PCDH7: variants seen among roughly 807,000 people sequenced by gnomAD.
PCDH7 encodes protocadherin-7.
A neutral mutation model predicts 58.9 loss-of-function variants in PCDH7; 17 were observed. That is an observed-to-expected ratio of 0.29 (90% CI 0.20 to 0.43). The LOEUF is 0.43. Among genes scored for constraint, PCDH7 ranks in the 20% least tolerant of loss-of-function variants. The probability of loss-of-function intolerance (pLI) is 1.00; values close to 1 mark genes in which losing one functional copy is unlikely to be tolerated. For synonymous variants in PCDH7, 664 were observed against 616.4 expected, an observed-to-expected ratio of 1.08 and a Z score of -1.14; for missense variants, 1,274 against 1,441.0, an observed-to-expected ratio of 0.88 and a Z score of 1.88.
chr4:31,030,538 A>T (rs1368023371), intron 3 of PCDH7, among the ~76,000 whole-genome samples: 1 of 152,200 alleles, frequency 6.6e-6, no homozygotes, highest in Non-Finnish European at 1.5e-5. Flanking sequence ...TATAATTTTA[A>T]TCATGAACAG....
At position 30,763,978 on chromosome 4, in the gene PCDH7, A is replaced by G. The variant is rs147116783; in HGVS notation, c.70+39382A>G. 2.5e-3 allele frequency among the ~76,000 whole-genome samples: 379 copies of G among 152,262 alleles called. 1 individual carries two copies. The highest frequency in any genetic ancestry group is 8.7e-3 in the African/African-American group (362 of 41,566). ...GTAGGAAATCTCACATAATTCACTG[A>G]TGTCTAAATCCTCACTCGGAGCTTG... On this transcript the variant is annotated intron_variant, in intron 1 of 3. Coordinates refer to the PCDH7 transcript ENST00000509759.
chr4:30,811,448 G>C (rs1390962287), intron 1 of PCDH7, among the ~76,000 whole-genome samples: 1 of 152,108 alleles, frequency 6.6e-6, no homozygotes, highest in Admixed American at 6.6e-5. Context: ...AATTATTAAG[G>C]GCTGTTCTTT....
chr4:30,832,690 A>T (rs1034819810), intron 1 of PCDH7, among the ~76,000 whole-genome samples: 1 of 152,136 alleles, frequency 6.6e-6, no homozygotes, highest in Non-Finnish European at 1.5e-5. Flanking sequence ...CCATTCATCC[A>T]TTAATTTAAG....
At chr4:31,032,939 C>CT (rs1755085775) in intron 3 of PCDH7, among the ~76,000 whole-genome samples, 1 of 151,604 alleles carries the variant, frequency 6.6e-6, no homozygotes, top group Non-Finnish European at 1.5e-5. Flanking sequence ...AAGTCTCTGC[C>CT]TTTTTTGGTA....
chr4:31,065,929 T>C (rs749581877), intron 3 of PCDH7, among the ~76,000 whole-genome samples: 1 of 151,956 alleles, frequency 6.6e-6, no homozygotes, highest in Non-Finnish European at 1.5e-5. Flanking sequence ...ATTTTGGTAA[T>C]GGAGGTGACA....
chr4:31,023,315 C>T (rs904487029), intron 3 of PCDH7, among the ~76,000 whole-genome samples: 1 of 152,134 alleles, frequency 6.6e-6, no homozygotes, highest in Admixed American at 6.5e-5. Context: ...TAGACTATGA[C>T]ACTCAGATGA....
At chr4:30,999,991 T>A (rs1281742785) in intron 3 of PCDH7, among the ~76,000 whole-genome samples, 1 of 152,198 alleles carries the variant, frequency 6.6e-6, no homozygotes, top group Non-Finnish European at 1.5e-5. Context: ...TTATTGTTTA[T>A]GGCTGTTTAA....
chr4:30,849,986 A>T (rs919823165), intron 1 of PCDH7, among the ~76,000 whole-genome samples: 1 of 152,050 alleles, frequency 6.6e-6, no homozygotes, highest in Non-Finnish European at 1.5e-5. Flanking sequence ...AATTTTCTTT[A>T]TTCTGCAAAA....
intron 1 of PCDH7, among the ~76,000 whole-genome samples, chr4:30,789,604 T>G (rs553083874): frequency 1.5e-4 from 22 of 151,364 alleles, no homozygotes; most frequent in Non-Finnish European, 2.4e-4. Context: ...GTATAGAGGG[T>G]TTTTTTTTCC....
Position 30,722,349 on chromosome 4 carries a change from G to T in PCDH7, c.927G>T (p.Glu309Asp). The T allele has an allele frequency of 6.2e-7, 1 of 1,612,250 alleles. No individual in the cohort carries two copies. Among genetic ancestry groups the T allele is most frequent in the Non-Finnish European group, 8.5e-7 (1 of 1,179,784 alleles). Residue 309 changes from glutamate (E) to aspartate (D), a missense_variant, in exon 1 of 2, where the codon GAG becomes GAT. By Grantham distance (45) the Glu-to-Asp change is conservative. Around this residue, in one of 3 missense-constraint regions of PCDH7, gnomAD observed 331 missense variants for 303.2 expected, o/e 1.09. Transcript: ENST00000361762. This position sits in a 1 kb window ranked among gnomAD's most constrained non-coding sequence, Gnocchi z 7.6. The stretch of plus-strand genomic sequence containing the variant: ...TGAACGACAACAGCCCCCGCTTCGA[G>T]AAGAGCGTGTACGAGGCCGACTTGG...
At chr4:30,931,653 C>T (rs961924181) in intron 2 of PCDH7, among the ~76,000 whole-genome samples, 2 of 151,714 alleles carry the variant, frequency 1.3e-5, no homozygotes, top group African/African-American at 4.8e-5. Flanking sequence ...AGAATTGAGA[C>T]AACTCAGAAA....
chr4:31,134,237 G>A (rs1210933677), intron 3 of PCDH7, among the ~76,000 whole-genome samples: 1 of 152,028 alleles, frequency 6.6e-6, no homozygotes, highest in Non-Finnish European at 1.5e-5. Context: ...CGAGGTTGGG[G>A]GATCATGAGG....
chr4:31,057,505 A>G (rs1339931230), intron 3 of PCDH7, among the ~76,000 whole-genome samples: 2 of 152,160 alleles, frequency 1.3e-5, no homozygotes, highest in Non-Finnish European at 2.9e-5. Context: ...TGTATGTGAT[A>G]ATACACCTGA....
intron 1 of PCDH7, among the ~76,000 whole-genome samples, chr4:30,893,604 A>G (rs537217189): frequency 6.6e-6 from 1 of 152,116 alleles, no homozygotes; most frequent in African/African-American, 2.4e-5. Flanking sequence ...GAATTGCTAC[A>G]TGTGAGGTCT....
At chr4:30,971,098 T>C (rs2109472891) in intron 3 of PCDH7, among the ~76,000 whole-genome samples, 1 of 152,208 alleles carries the variant, frequency 6.6e-6, no homozygotes, top group East Asian at 1.9e-4. Context: ...CAAAAGAATT[T>C]CCTTGCCAGA....
chr4:31,029,576 G>T (rs1233845363), intron 3 of PCDH7, among the ~76,000 whole-genome samples: 1 of 152,200 alleles, frequency 6.6e-6, no homozygotes, highest in Non-Finnish European at 1.5e-5. Flanking sequence ...ACAAGTCTTG[G>T]CTCATAGCTC....
chr4:30,990,342 T>A (rs1751366634), intron 3 of PCDH7, among the ~76,000 whole-genome samples: 1 of 152,008 alleles, frequency 6.6e-6, no homozygotes, highest in Admixed American at 6.6e-5. Flanking sequence ...ATAGAATATA[T>A]ACACTATAGA....
chr4:31,046,156 C>T (rs1292032325), intron 3 of PCDH7, among the ~76,000 whole-genome samples: 1 of 151,910 alleles, frequency 6.6e-6, no homozygotes, highest in African/African-American at 2.4e-5. Flanking sequence ...TAGATTGATC[C>T]ACCTAGGCTA....
intron 3 of PCDH7, among the ~76,000 whole-genome samples, chr4:31,032,522 C>T (rs925373506): frequency 9.4e-5 from 14 of 149,626 alleles, no homozygotes; most frequent in African/African-American, 3.5e-4. Context: ...GCACAAGAAT[C>T]GTTTGAATCC....
Sources: gnomAD v4.1 joint callset for allele counts (sites outside exome capture counted in the v4.1 genomes callset) on GRCh38, gnomAD v4.1.1 for gene constraint, gnomAD v4.1.1 regional missense constraint, Gnocchi (gnomAD v3.1) non-coding constraint, MANE v1.5 for transcripts, NCBI Gene and HGNC (gene_info 2026-07-23, HGNC 2026-07-21) for gene names.